HACD2: variants seen among roughly 807,000 people sequenced by gnomAD.
HACD2 encodes 3-hydroxyacyl-CoA dehydratase 2.
HACD2 carries 15 observed loss-of-function variants against 31.0 expected under a neutral mutation model. That is an observed-to-expected ratio of 0.48 (90% CI 0.32 to 0.75). The LOEUF is 0.75. Ranked by LOEUF, HACD2 falls within the 30% of genes least tolerant of loss-of-function variation. The pLI is 0.03. For missense variants in HACD2, 283 were observed against 313.0 expected, an observed-to-expected ratio of 0.90 and a Z score of 0.72; for synonymous variants, 115 against 122.2, an observed-to-expected ratio of 0.94 and a Z score of 0.39.
rs1047899827 is a variant in HACD2 at position 123,567,742 on chromosome 3, G to A, written c.292+20C>T. 8 of 1,434,578 alleles carry A rather than the reference G, an allele frequency of 5.6e-6. No individual in the cohort carries two copies. The highest frequency in any genetic ancestry group is 5.6e-6 in the Non-Finnish European group (6 of 1,071,576). The allele number at this position is 1,434,578 out of a possible 1,614,324, so 88.9% of individuals were successfully genotyped here. A position where few individuals can be genotyped will look rare whatever the true frequency, so the allele number is the denominator to read the frequency against. ...AAGCAGAATTCACTGTACATAGTAG[G>A]GGGGAATATCCATACTTACCTATAG... On this transcript the variant is annotated intron_variant, in intron 3 of 6. Transcript: ENST00000383657.
intron 3 of HACD2, among the ~76,000 whole-genome samples, chr3:123,529,363 A>G (rs961265642): frequency 2.6e-5 from 4 of 152,010 alleles, no homozygotes; most frequent in Non-Finnish European, 5.9e-5. Flanking sequence ...CGGCTTCCCA[A>G]AGTGCTGGGA....
Position 123,542,161 on chromosome 3 carries a change from A to AAAAAG in HACD2, c.293-13688_293-13687insCTTTT, listed in dbSNP as rs1233451776. On this transcript the variant is annotated intron_variant, in intron 3 of 6. Coordinates refer to ENST00000383657, the MANE Select transcript of HACD2 (RefSeq NM_198402.5). ...GACTCCGTCTCAAAAAAAAAAAAAA[A>AAAAAG]AAAAAAAAAAGAATACAAATTGTTT... Among the ~76,000 whole-genome samples, 29 of 148,986 alleles carry AAAAAG rather than the reference A, an allele frequency of 1.9e-4. 2 individuals are homozygous for AAAAAG. The highest frequency in any genetic ancestry group is 7.2e-4 in the African/African-American group (29 of 40,364).
intron 4 of HACD2, among the ~76,000 whole-genome samples, chr3:123,509,418 TA>T (rs1189888269): frequency 6.6e-6 from 1 of 151,490 alleles, no homozygotes; most frequent in African/African-American, 2.4e-5. Flanking sequence ...AAAACTATTA[TA>T]AATTGCAGGC....
rs1045696911 is a variant in HACD2 at position 123,494,809 on chromosome 3, G to A, written c.*79C>T. On this transcript the variant is annotated 3_prime_UTR_variant, in exon 7 of 7. Transcript: ENST00000383657. ...AGTTCTTACTTATTTTCTATGAAAC[G>A]TATTGGGAACTCAAAAAATCTGCAG... 1.6e-5 allele frequency: 14 copies of A among 879,060 alleles called. No homozygotes were observed. Among genetic ancestry groups the A allele is most frequent in the Non-Finnish European group, 2.2e-5 (12 of 545,532 alleles). 54.5% of individuals were successfully genotyped at this position (879,060 alleles called of 1,614,324 possible).
chr3:123,543,263 T>C (rs1576765655), intron 3 of HACD2, among the ~76,000 whole-genome samples: 2 of 152,320 alleles, frequency 1.3e-5, no homozygotes, highest in East Asian at 3.9e-4. Flanking sequence ...GGTATTGCTG[T>C]CTGATTTCAA....
At chr3:123,505,207 G>A (rs2055959394) in intron 4 of HACD2, among the ~76,000 whole-genome samples, 1 of 152,180 alleles carries the variant, frequency 6.6e-6, no homozygotes, top group Non-Finnish European at 1.5e-5. Context: ...GGTACCTAGG[G>A]TGAGGCAGAG....
chr3:123,567,392 A>G (rs2056803429), intron 3 of HACD2, among the ~76,000 whole-genome samples: 1 of 152,224 alleles, frequency 6.6e-6, no homozygotes, highest in African/African-American at 2.4e-5. Context: ...AAAGATAAGG[A>G]GAGAGAATGA....
intron 3 of HACD2, among the ~76,000 whole-genome samples, chr3:123,533,875 T>C (rs2107712355): frequency 6.6e-6 from 1 of 152,338 alleles, no homozygotes; most frequent in East Asian, 1.9e-4. Context: ...GAGGACAGCA[T>C]GATTACAACT....
chr3:123,557,074 A>T lies in HACD2; in HGVS notation c.292+10688T>A, dbSNP rs1353162247. Reference sequence around the variant, plus strand: ...ACAAAGGACTGTTATCCTAAACTTAAAAAGACCCTAAAACAGGGGTCCCCA... The same window carrying T: ...ACAAAGGACTGTTATCCTAAACTTATAAAGACCCTAAAACAGGGGTCCCCA... On this transcript the variant is annotated intron_variant, in intron 3 of 6. Coordinates refer to ENST00000383657, the MANE Select transcript of HACD2 (RefSeq NM_198402.5). 2.6e-5 allele frequency among the ~76,000 whole-genome samples: 4 copies of T among 152,370 alleles called. No individual in the cohort carries two copies. In the East Asian group the frequency reaches 7.7e-4, roughly 29 times the overall value.
In HACD2 at chr3:123,562,103, C is replaced by T. The variant is rs550690015; in HGVS notation, c.292+5659G>A. Among the ~76,000 whole-genome samples, 91 of 152,202 alleles carry T rather than the reference C, an allele frequency of 6.0e-4. 4 individuals are homozygous for T. Among genetic ancestry groups the T allele is most frequent in the African/African-American group, 1.4e-4 (6 of 41,454 alleles). On this transcript the variant is annotated intron_variant, in intron 3 of 6. Transcript: ENST00000383657. ...CTGGGATTACAGGTGTGAGCCACCA[C>T]GACTGGCCTATTTTTTAAAATTCTC...
intron 1 of HACD2, among the ~76,000 whole-genome samples, chr3:123,583,114 C>G (rs1417859552): frequency 6.6e-6 from 1 of 152,060 alleles, no homozygotes; most frequent in Non-Finnish European, 1.5e-5. Context: ...TATGCTATTT[C>G]CAAAAACTAT....
chr3:123,539,911 T>TAAAAA (rs71142741), intron 3 of HACD2, among the ~76,000 whole-genome samples: 375 of 24,476 alleles, frequency 0.015, 153 homozygotes, highest in East Asian at 0.036. Context: ...TCGTCTCTAC[T>TAAAAA]AAAAAAAAAA....
intron 3 of HACD2, among the ~76,000 whole-genome samples, chr3:123,557,756 C>G (rs548866959): frequency 5.9e-5 from 9 of 152,326 alleles, no homozygotes; most frequent in African/African-American, 1.9e-4. Flanking sequence ...TTAGAAGGGT[C>G]AAAATCCAGA....
intron 3 of HACD2, among the ~76,000 whole-genome samples, chr3:123,530,756 T>C (rs1033652882): frequency 5.3e-5 from 8 of 151,944 alleles, no homozygotes; most frequent in African/African-American, 1.9e-4. Context: ...CTTGCTATGT[T>C]GCCCAGGCTG....
At chr3:123,497,503 C>A (rs1483404747) in intron 6 of HACD2, among the ~76,000 whole-genome samples, 2 of 152,180 alleles carry the variant, frequency 1.3e-5, no homozygotes, top group African/African-American at 2.4e-5. Flanking sequence ...GCCAAGTCTC[C>A]TTGGTTTCTC....
chr3:123,566,787 C>T (rs940604121), intron 3 of HACD2, among the ~76,000 whole-genome samples: 2 of 152,084 alleles, frequency 1.3e-5, no homozygotes, highest in Non-Finnish European at 2.9e-5. Context: ...ATCCCAGCTA[C>T]TCAGGAGGCT....
chr3:123,539,911 TAAAAAAA>T (rs71142741), intron 3 of HACD2, among the ~76,000 whole-genome samples: 4 of 24,480 alleles, frequency 1.6e-4, no homozygotes, highest in African/African-American at 2.1e-4. Context: ...TCGTCTCTAC[TAAAAAAA>T]AAAAAAAAAA....
chr3:123,559,402 G>A (rs1156229683), intron 3 of HACD2, among the ~76,000 whole-genome samples: 2 of 152,128 alleles, frequency 1.3e-5, no homozygotes, highest in African/African-American at 4.8e-5. Context: ...CTCATACTTT[G>A]GCACGTTTAA....
chr3:123,574,405 T>C (rs1326649811), intron 2 of HACD2, among the ~76,000 whole-genome samples: 2 of 152,196 alleles, frequency 1.3e-5, no homozygotes, highest in Non-Finnish European at 1.5e-5. Flanking sequence ...TAACCATCAT[T>C]TCATCTTTTC....
Sources: allele counts gnomAD v4.1 joint callset (sites outside exome capture counted in the v4.1 genomes callset), GRCh38; gene constraint gnomAD v4.1.1; transcripts MANE v1.5; gene names NCBI Gene and HGNC (gene_info 2026-07-23, HGNC 2026-07-21).